NAA11: variants seen among roughly 807,000 people sequenced by gnomAD.
NAA11 encodes N-alpha-acetyltransferase 11.
NAA11 carries 15 observed loss-of-function variants against 16.1 expected under a neutral mutation model. The ratio of observed to expected loss-of-function variants is 0.93; its 90% CI spans 0.62 to 1.44. The LOEUF (loss-of-function observed/expected upper bound fraction) is 1.44, where lower values mean the gene tolerates loss of function less well. Among genes scored for constraint, NAA11 ranks in the 40% most tolerant of loss-of-function variants. The pLI is 0.00. For missense variants in NAA11, 298 were observed against 291.3 expected, an observed-to-expected ratio of 1.02 and a Z score of -0.17; for synonymous variants, 122 against 112.4, an observed-to-expected ratio of 1.09 and a Z score of -0.54.
At chr4:79,309,863 C>A (rs1310309107) in intron 1 of NAA11, among the ~76,000 whole-genome samples, 1 of 151,694 alleles carries the variant, frequency 6.6e-6, no homozygotes, top group Non-Finnish European at 1.5e-5. Flanking sequence ...CTACAGGCGC[C>A]CGCCACCACG....
At chr4:79,170,912 G>A in the NAA11 span, among the ~76,000 whole-genome samples, 2 of 134,244 alleles carry the variant, frequency 1.5e-5, no homozygotes, top group South Asian at 2.7e-4. Flanking sequence ...ATAGTTAAAT[G>A]TTATAGCATT....
chr4:79,169,344 G>GATTC, the NAA11 span, among the ~76,000 whole-genome samples: 1 of 152,134 alleles, frequency 6.6e-6, no homozygotes, highest in African/African-American at 2.4e-5. Context: ...TATGCTACCT[G>GATTC]ACCTCAAACT....
At chr4:79,234,155 G>C (rs1721522789) in intron 2 of NAA11, among the ~76,000 whole-genome samples, 1 of 152,102 alleles carries the variant, frequency 6.6e-6, no homozygotes, top group African/African-American at 2.4e-5. Flanking sequence ...CATGTGAGGT[G>C]ATGTTTCTTC....
downstream of NAA11, among the ~76,000 whole-genome samples, chr4:79,223,292 A>G (rs1272831750): frequency 1.2e-4 from 17 of 147,684 alleles, no homozygotes; most frequent in African/African-American, 4.0e-4. Context: ...TGGCACATAT[A>G]CACCATGGAA....
chr4:79,239,572 G>A (rs1226213741), intron 2 of NAA11, among the ~76,000 whole-genome samples: 1 of 152,078 alleles, frequency 6.6e-6, no homozygotes, highest in Non-Finnish European at 1.5e-5. Flanking sequence ...GTATGGTGGT[G>A]TGTGCCTGTC....
intron 1 of NAA11, among the ~76,000 whole-genome samples, chr4:79,318,188 T>G (rs1384665127): frequency 6.6e-6 from 1 of 152,172 alleles, no homozygotes; most frequent in African/African-American, 2.4e-5. Flanking sequence ...AAAAGAAAAT[T>G]TATTCCAATT....
At chr4:79,258,336 T>G (rs1329581234) in intron 2 of NAA11, among the ~76,000 whole-genome samples, 1 of 152,236 alleles carries the variant, frequency 6.6e-6, no homozygotes, top group African/African-American at 2.4e-5. Flanking sequence ...TCGTTGCACT[T>G]TGCGGGGGCT....
At chr4:79,191,842 T>C in the NAA11 span, among the ~76,000 whole-genome samples, 4 of 152,236 alleles carry the variant, frequency 2.6e-5, no homozygotes, top group African/African-American at 9.6e-5. Flanking sequence ...TTAATCCATC[T>C]TGAGTTAATT....
rs573186944 is a variant in NAA11, at chr4:79,236,240, C to A, written c.*123-9970G>T. 2.6e-5 allele frequency among the ~76,000 whole-genome samples: 4 copies of A among 152,136 alleles called. No homozygotes were observed. The South Asian group carries it at 6.2e-4, about 24-fold the overall frequency. ...TACTAAGCCTCCATTTGTTTTTCAG[C>A]TTAAAAATAAGTTCATATACATCTG... On this transcript the variant is annotated intron_variant and NMD_transcript_variant, in intron 2 of 2. Coordinates refer to the NAA11 transcript ENST00000511542.
chr4:79,284,878 C>CAAA (rs558413914), intron 2 of NAA11, among the ~76,000 whole-genome samples: 1 of 5,140 alleles, frequency 1.9e-4, no homozygotes, highest in Non-Finnish European at 3.5e-4. Flanking sequence ...GACTCCGTCT[C>CAAA]AAAAAAAAAA....
intron 2 of NAA11, among the ~76,000 whole-genome samples, chr4:79,238,063 G>C (rs1721611952): frequency 1.3e-5 from 2 of 152,210 alleles, no homozygotes; most frequent in African/African-American, 4.8e-5. Context: ...GACAGCTGCT[G>C]TAGCTACTAC....
chr4:79,159,851 AATTC>A, the NAA11 span, among the ~76,000 whole-genome samples: 6 of 152,136 alleles, frequency 3.9e-5, no homozygotes, highest in Non-Finnish European at 5.9e-5. Context: ...ATGTTTCAAA[AATTC>A]ATTCATGTTG....
chr4:79,264,284 C>T (rs946476689), intron 2 of NAA11, among the ~76,000 whole-genome samples: 5 of 152,164 alleles, frequency 3.3e-5, no homozygotes, highest in African/African-American at 4.8e-5. Flanking sequence ...ACTACAGGTT[C>T]TATTCCTTTT....
chr4:79,172,251 C>G, the NAA11 span, among the ~76,000 whole-genome samples: 1 of 152,006 alleles, frequency 6.6e-6, no homozygotes, highest in Non-Finnish European at 1.5e-5. Context: ...AGGATATGCT[C>G]CCTCCTAATA....
chr4:79,185,682 A>G, the NAA11 span, among the ~76,000 whole-genome samples: 1 of 152,310 alleles, frequency 6.6e-6, no homozygotes. Context: ...ATTTGAAGCA[A>G]TATGGTATTC....
At chr4:79,198,907 G>A in the NAA11 span, among the ~76,000 whole-genome samples, 1 of 151,834 alleles carries the variant, frequency 6.6e-6, no homozygotes, top group Admixed American at 6.6e-5. Context: ...CAACCTGCAG[G>A]AAAACATGCA....
chr4:79,301,181 T>C (rs1723371521), intron 1 of NAA11, among the ~76,000 whole-genome samples: 1 of 152,162 alleles, frequency 6.6e-6, no homozygotes, highest in African/African-American at 2.4e-5. Context: ...TGCCACAGAG[T>C]AAGTACCGAA....
chr4:79,280,584 C>T (rs1271717758), intron 2 of NAA11, among the ~76,000 whole-genome samples: 1 of 151,658 alleles, frequency 6.6e-6, no homozygotes, highest in Non-Finnish European at 1.5e-5. Context: ...AATTCTGATA[C>T]ATTTTGATAC....
At chr4:79,268,894 TC>T (rs1292551194) in intron 2 of NAA11, among the ~76,000 whole-genome samples, 1 of 124,622 alleles carries the variant, frequency 8.0e-6, no homozygotes, top group Non-Finnish European at 1.6e-5. Context: ...ATATTCCCCT[TC>T]CTGTGTCCAT....
Sources: allele counts gnomAD v4.1 joint callset (sites outside exome capture counted in the v4.1 genomes callset), GRCh38; gene constraint gnomAD v4.1.1; transcripts MANE v1.5; gene names NCBI Gene and HGNC (gene_info 2026-07-23, HGNC 2026-07-21).